Variants in INPP4B observed in about 807,000 individuals in gnomAD.
INPP4B encodes inositol polyphosphate 4-phosphatase type II.
Under a neutral mutation model 122.5 loss-of-function variants are expected in INPP4B, and 55 were observed. The observed-to-expected ratio is 0.45, with a 90% CI of 0.36 to 0.56. The LOEUF (loss-of-function observed/expected upper bound fraction) is 0.56. Ranked by LOEUF, INPP4B falls within the 20% of genes least tolerant of loss-of-function variation. INPP4B has a pLI of 0.00. For missense variants in INPP4B, 1,000 were observed against 1,097.7 expected, an observed-to-expected ratio of 0.91 and a Z score of 1.26; for synonymous variants, 403 against 388.7, an observed-to-expected ratio of 1.04 and a Z score of -0.43.
intron 25 of INPP4B, among the ~76,000 whole-genome samples, chr4:142,067,634 A>T (rs1202909404): frequency 1.3e-5 from 2 of 152,196 alleles, no homozygotes; most frequent in African/African-American, 2.4e-5. Context: ...AGAAGTCCTT[A>T]AATGACCTAA....
At chr4:142,408,917 A>G (rs928738979) in intron 5 of INPP4B, among the ~76,000 whole-genome samples, 9 of 152,204 alleles carry the variant, frequency 5.9e-5, no homozygotes, top group Non-Finnish European at 1.2e-4. Context: ...GCTTGTATCC[A>G]GTGTATTTTT....
rs1157544869 is a variant in INPP4B, at chr4:142,638,267, C to A, written c.-191+87572G>T. Among the ~76,000 whole-genome samples, 4 of 152,156 alleles carry A rather than the reference C, an allele frequency of 2.6e-5. No individual in the cohort carries two copies. In the East Asian group the frequency reaches 7.7e-4, roughly 29 times the overall value. ...TGGTGTTGCATCTAAACAATCATCA[C>A]CATACCTAAGTTCTAGGTTTTCTCC... On this transcript the variant is annotated intron_variant, in intron 2 of 25. Coordinates refer to ENST00000262992, the MANE Select transcript of INPP4B (RefSeq NM_001101669.3).
intron 25 of INPP4B, among the ~76,000 whole-genome samples, chr4:142,037,846 G>A (rs1436081421): frequency 6.6e-6 from 1 of 152,122 alleles, no homozygotes; most frequent in Non-Finnish European, 1.5e-5. Context: ...TGTGAGTGTG[G>A]CACAAGAAAT....
At chr4:142,590,893 A>AC (rs1737320024) in intron 2 of INPP4B, among the ~76,000 whole-genome samples, 1 of 151,022 alleles carries the variant, frequency 6.6e-6, no homozygotes, top group Non-Finnish European at 1.5e-5. Flanking sequence ...AAAAAAAAAA[A>AC]AAAAAAACAA....
intron 9 of INPP4B, among the ~76,000 whole-genome samples, chr4:142,272,542 A>G (rs1424559262): frequency 6.6e-6 from 1 of 152,070 alleles, no homozygotes; most frequent in African/African-American, 2.4e-5. Flanking sequence ...TATAGAGAGC[A>G]AGTATTTATC....
chr4:142,695,929 G>A (rs989262221), intron 2 of INPP4B, among the ~76,000 whole-genome samples: 3 of 152,100 alleles, frequency 2.0e-5, no homozygotes, highest in Non-Finnish European at 4.4e-5. Context: ...ATCTTGATGT[G>A]GGATCTCAAG....
At chr4:142,175,045 C>T (rs772823659) in intron 15 of INPP4B, among the ~76,000 whole-genome samples, 1 of 152,064 alleles carries the variant, frequency 6.6e-6, no homozygotes, top group Non-Finnish European at 1.5e-5. Context: ...AGCTGCAAAA[C>T]AGCAAAACAG....
At chr4:142,289,641 C>A (rs924083738) in intron 9 of INPP4B, among the ~76,000 whole-genome samples, 3 of 152,152 alleles carry the variant, frequency 2.0e-5, no homozygotes, top group African/African-American at 7.2e-5. Context: ...AGTTGGTTTT[C>A]TTTTCCTGCA....
At chr4:142,099,002 G>T (rs1487928717) in intron 23 of INPP4B, among the ~76,000 whole-genome samples, 1 of 152,130 alleles carries the variant, frequency 6.6e-6, no homozygotes, top group Non-Finnish European at 1.5e-5. Context: ...ATCACAGAGT[G>T]TGGTGGCTGG....
intron 25 of INPP4B, among the ~76,000 whole-genome samples, chr4:142,049,122 C>T (rs769259841): frequency 9.9e-5 from 15 of 151,680 alleles, no homozygotes; most frequent in African/African-American, 3.1e-4. Flanking sequence ...TTATAGCACA[C>T]GTTACCAGAA....
At chr4:142,228,004 A>T in intron 12 of INPP4B, among the ~76,000 whole-genome samples, 1 of 152,088 alleles carries the variant, frequency 6.6e-6, no homozygotes, top group East Asian at 1.9e-4. Flanking sequence ...TTTCTGAATA[A>T]CATTTGGTCA....
chr4:142,233,436 T>C (rs2149885664), intron 12 of INPP4B, among the ~76,000 whole-genome samples: 1 of 152,316 alleles, frequency 6.6e-6, no homozygotes, highest in Non-Finnish European at 1.5e-5. Context: ...CTTCTGTCTT[T>C]ATGGAGAAAA....
intron 2 of INPP4B, among the ~76,000 whole-genome samples, chr4:142,531,869 A>T (rs1025249806): frequency 4.6e-5 from 7 of 152,192 alleles, no homozygotes; most frequent in African/African-American, 1.7e-4. Context: ...ACTAATTTTA[A>T]AATATTGACT....
rs182097172 is a variant in INPP4B at position 142,307,135 on chromosome 4, A to C, written c.424-1598T>G. On this transcript the variant is annotated intron_variant, in intron 8 of 25. Transcript: ENST00000262992. ...GAAGTAGAGTGAATCAAGATAAAGA[A>C]GGAAGTTTGTGAGCTGTATCAGCAA... Among the ~76,000 whole-genome samples, 7 of 152,302 alleles carry C rather than the reference A, an allele frequency of 4.6e-5. No homozygotes were observed. In the East Asian group the frequency reaches 1.4e-3, roughly 29 times the overall value.
chr4:142,826,303 G>A (rs899008137), intron 1 of INPP4B, among the ~76,000 whole-genome samples: 3 of 152,004 alleles, frequency 2.0e-5, no homozygotes, highest in African/African-American at 2.4e-5. Flanking sequence ...CATGTTCTTC[G>A]TTTTTACTAT....
At chr4:142,817,799 T>C (rs1004378785) in intron 1 of INPP4B, among the ~76,000 whole-genome samples, 2 of 152,134 alleles carry the variant, frequency 1.3e-5, no homozygotes, top group African/African-American at 4.8e-5. Context: ...TCGGGTTTAT[T>C]TGGACTAAAA....
chr4:142,476,054 T>C (rs1410991548), intron 2 of INPP4B, among the ~76,000 whole-genome samples: 1 of 152,070 alleles, frequency 6.6e-6, no homozygotes, highest in Non-Finnish European at 1.5e-5. Flanking sequence ...GATTCTTCAA[T>C]GTTGAAATGA....
intron 1 of INPP4B, among the ~76,000 whole-genome samples, chr4:142,788,683 A>G (rs554854707): frequency 6.6e-6 from 1 of 152,172 alleles, no homozygotes; most frequent in Admixed American, 6.6e-5. Context: ...GCATGCTCAT[A>G]GCTTAGCTCT....
chr4:142,787,396 C>T (rs1207347872), intron 1 of INPP4B, among the ~76,000 whole-genome samples: 1 of 152,062 alleles, frequency 6.6e-6, no homozygotes, highest in Non-Finnish European at 1.5e-5. Context: ...ATATGCTTGC[C>T]TTCCACCATG....
Sources: gnomAD v4.1 joint callset for allele counts (sites outside exome capture counted in the v4.1 genomes callset) on GRCh38, gnomAD v4.1.1 for gene constraint, MANE v1.5 for transcripts, NCBI Gene and HGNC (gene_info 2026-07-23, HGNC 2026-07-21) for gene names.